FRK: variants seen among roughly 807,000 people sequenced by gnomAD.
The protein encoded by FRK is tyrosine-protein kinase FRK.
FRK carries 51 observed loss-of-function variants against 56.4 expected under a neutral mutation model. That is an observed-to-expected ratio of 0.90 (90% CI 0.72 to 1.14). FRK has a LOEUF of 1.14. Among genes scored for constraint, FRK ranks in the 50% most tolerant of loss-of-function variants. FRK has a pLI of 0.00. For synonymous variants in FRK, 245 were observed against 217.9 expected (o/e 1.12, Z -1.10); for missense variants, 570 against 601.4 (o/e 0.95, Z 0.55).
chr6:116,100,186 G>T, the FRK span, among the ~76,000 whole-genome samples: 1 of 152,154 alleles, frequency 6.6e-6, no homozygotes, highest in Non-Finnish European at 1.5e-5. Context: ...AACAAAATAG[G>T]ATTATCAAGT....
chr6:116,096,403 T>C, the FRK span, among the ~76,000 whole-genome samples: 1 of 152,206 alleles, frequency 6.6e-6, no homozygotes, highest in Non-Finnish European at 1.5e-5. Context: ...CAATACTCTG[T>C]GTCTAACTAA....
intron 1 of FRK, among the ~76,000 whole-genome samples, chr6:116,028,403 T>G (rs1776178231): frequency 1.3e-5 from 2 of 152,156 alleles, no homozygotes; most frequent in Admixed American, 6.6e-5. Flanking sequence ...TCATTCAGTG[T>G]GTTAGTCAGC....
intron 2 of FRK, among the ~76,000 whole-genome samples, chr6:115,999,766 T>C (rs2114683876): frequency 6.6e-6 from 1 of 152,266 alleles, no homozygotes; most frequent in South Asian, 2.1e-4. Context: ...AGTCAGCAAT[T>C]GGGTTGTTTG....
At chr6:116,042,975 CA>C (rs555686633) in intron 1 of FRK, among the ~76,000 whole-genome samples, 1 of 150,996 alleles carries the variant, frequency 6.6e-6, no homozygotes, top group Middle Eastern at 3.4e-3. Flanking sequence ...CAATAAAAAT[CA>C]AAAAAGACAA....
chr6:116,085,701 C>T, the FRK span, among the ~76,000 whole-genome samples: 1 of 151,602 alleles, frequency 6.6e-6, no homozygotes, highest in Non-Finnish European at 1.5e-5. Flanking sequence ...ATGCACAGGC[C>T]GTGTGTGTGT....
intron 2 of FRK, among the ~76,000 whole-genome samples, chr6:115,980,383 A>G (rs1412727865): frequency 6.6e-6 from 1 of 152,176 alleles, no homozygotes; most frequent in Non-Finnish European, 1.5e-5. Flanking sequence ...GTAGGATACA[A>G]AATTAAGAGA....
the FRK span, among the ~76,000 whole-genome samples, chr6:116,094,092 T>C: frequency 1.3e-5 from 2 of 152,172 alleles, no homozygotes; most frequent in East Asian, 1.9e-4. Context: ...AGTCACCCAG[T>C]AGGGCTTGTT....
At chr6:116,078,758 C>T in the FRK span, among the ~76,000 whole-genome samples, 6 of 152,196 alleles carry the variant, frequency 3.9e-5, no homozygotes, top group South Asian at 1.0e-3. Flanking sequence ...CTACCTCTCC[C>T]AGTGCCAAAC....
chr6:115,978,468 A>C (rs1008217846), intron 2 of FRK, among the ~76,000 whole-genome samples: 1 of 152,208 alleles, frequency 6.6e-6, no homozygotes, highest in African/African-American at 2.4e-5. Flanking sequence ...ATCCATGTTC[A>C]AGCGATGTGA....
At position 115,936,451 on chromosome 6, in the gene FRK, G is replaced by A. The variant is rs1255655109; in HGVS notation, c.*5963C>T. 1 of 152,192 alleles carries A rather than the reference G, an allele frequency of 6.6e-6. No individual in the cohort carries two copies. The highest frequency in any genetic ancestry group is 2.4e-5 in the African/African-American group (1 of 41,444). 9.4% of individuals were successfully genotyped at this position (152,192 alleles called of 1,614,324 possible). The stretch of plus-strand genomic sequence containing the variant: ...GGATCACAACTCCTTGCCAGCAAGG[G>A]AATAAAACTGGATGGAGAATGAGTT... On this transcript the variant is annotated 3_prime_UTR_variant, in exon 8 of 8. Coordinates refer to ENST00000606080, the MANE Select transcript of FRK (RefSeq NM_002031.3).
chr6:115,999,489 C>T (rs1774968256), intron 2 of FRK, among the ~76,000 whole-genome samples: 1 of 152,216 alleles, frequency 6.6e-6, no homozygotes, highest in Non-Finnish European at 1.5e-5. Context: ...TGCTACTTCT[C>T]AGCCCACTCA....
At position 115,943,136 on chromosome 6, in the gene FRK, A is replaced by G. The variant is rs1479838440; in HGVS notation, c.1190T>C (p.Val397Ala). 6.2e-7 allele frequency: 1 copy of G among 1,612,956 alleles called. No homozygotes were observed. Among genetic ancestry groups the G allele is most frequent in the Non-Finnish European group, 8.5e-7 (1 of 1,179,480 alleles). ...AATGGCTTCGGGCGCAGTCCACTTC[A>G]CCGGCAGCTTTATTTCGTGTCTAGA... ...YESRHEIKLP[V>A]KWTAPEAIRS... The change falls in exon 7 of 8, where the codon GTG (valine) becomes GCG (alanine). Residue 397 changes from valine to alanine, a missense_variant. Physicochemically the swap from Val to Ala is moderately conservative, Grantham distance 64. Coordinates refer to ENST00000606080, the MANE Select transcript of FRK (RefSeq NM_002031.3).
the FRK span, among the ~76,000 whole-genome samples, chr6:116,092,534 C>T: frequency 6.6e-6 from 1 of 152,118 alleles, no homozygotes; most frequent in East Asian, 1.9e-4. Flanking sequence ...GGAGGACAGG[C>T]AAAGGTGCAG....
intron 1 of FRK, among the ~76,000 whole-genome samples, chr6:116,052,724 G>C (rs1430504957): frequency 6.6e-6 from 1 of 152,096 alleles, no homozygotes. Flanking sequence ...TAGGCAGAGA[G>C]AATAGCCCAT....
chr6:116,039,065 T>A (rs1776608883), intron 1 of FRK: 1 of 764,442 alleles, frequency 1.3e-6, no homozygotes, highest in South Asian at 1.3e-5. Flanking sequence ...CTTTGGGGAG[T>A]CAGATAAGCT....
chr6:116,062,462 G>GA (rs550646718), upstream of FRK, among the ~76,000 whole-genome samples: 392 of 119,118 alleles, frequency 3.3e-3, no homozygotes, highest in African/African-American at 6.5e-3. Flanking sequence ...ATCTAAAAAT[G>GA]AAAAAAAAAA....
intron 2 of FRK, among the ~76,000 whole-genome samples, chr6:115,999,934 T>A (rs1774991124): frequency 1.3e-5 from 2 of 152,222 alleles, no homozygotes; most frequent in Admixed American, 1.3e-4. Flanking sequence ...AGATAATTTG[T>A]TTAAAAGACT....
chr6:115,984,674 T>C (rs1354035266), intron 2 of FRK, among the ~76,000 whole-genome samples: 1 of 151,962 alleles, frequency 6.6e-6, no homozygotes, highest in East Asian at 1.9e-4. Flanking sequence ...TTTTGTTTTG[T>C]TTCTTTTTTT....
At chr6:116,095,988 T>A in the FRK span, among the ~76,000 whole-genome samples, 1 of 152,230 alleles carries the variant, frequency 6.6e-6, no homozygotes, top group South Asian at 2.1e-4. Context: ...ACTTCTCCCC[T>A]TTCTAGGTCC....
Sources: gnomAD v4.1 joint callset for allele counts (sites outside exome capture counted in the v4.1 genomes callset) on GRCh38, gnomAD v4.1.1 for gene constraint, MANE v1.5 for transcripts, NCBI Gene and HGNC (gene_info 2026-07-23, HGNC 2026-07-21) for gene names.